Variants in SHISA9 observed in about 807,000 individuals in gnomAD.
The protein encoded by SHISA9 is protein shisa-9.
Under a neutral mutation model 38.0 loss-of-function variants are expected in SHISA9, and 13 were observed. That is an observed-to-expected ratio of 0.34 (90% CI 0.22 to 0.54). The LOEUF (loss-of-function observed/expected upper bound fraction) is 0.54. Among genes scored for constraint, SHISA9 ranks in the 20% least tolerant of loss-of-function variants. The pLI is 0.91. For missense variants in SHISA9, 538 were observed against 575.8 expected, an observed-to-expected ratio of 0.93 and a Z score of 0.67; for synonymous variants, 275 against 242.0, an observed-to-expected ratio of 1.14 and a Z score of -1.27.
At chr16:13,057,826 A>G (rs1054818227) in intron 2 of SHISA9, among the ~76,000 whole-genome samples, 38 of 152,016 alleles carry the variant, frequency 2.5e-4, no homozygotes, top group Middle Eastern at 3.4e-3. Flanking sequence ...CACAGGCCCC[A>G]TTGTGTGATA....
At chr16:13,037,705 C>T (rs1441884010) in intron 2 of SHISA9, among the ~76,000 whole-genome samples, 2 of 152,132 alleles carry the variant, frequency 1.3e-5, no homozygotes, top group East Asian at 3.9e-4. Flanking sequence ...CTAACTGGTC[C>T]TCCCACTTCC....
Position 12,902,763 on chromosome 16 carries a change from G to C in SHISA9, c.563+136G>C, listed in dbSNP as rs2071036877. 3.1e-6 allele frequency: 3 copies of C among 965,270 alleles called. No individual in the cohort carries two copies. The South Asian group carries it at 5.2e-5, about 17-fold the overall frequency. The allele number at this position is 965,270 out of a possible 1,614,324, so 59.8% of individuals were successfully genotyped here. ...AGCCTCTCCGCTGGGGGATGTCACC[G>C]GGAAGCCAACTTCGGCTTGGAACAC... On this transcript the variant is annotated intron_variant, in intron 1 of 4. Coordinates refer to ENST00000558583, the MANE Select transcript of SHISA9 (RefSeq NM_001145204.3).
chr16:13,375,572 T>C, the SHISA9 span, among the ~76,000 whole-genome samples: 2 of 152,156 alleles, frequency 1.3e-5, no homozygotes, highest in Non-Finnish European at 2.9e-5. Flanking sequence ...TTGGTTACTG[T>C]AGCCTTGTAG....
intron 2 of SHISA9, among the ~76,000 whole-genome samples, chr16:13,087,518 C>G (rs147031600): frequency 0.02 from 3,110 of 152,260 alleles, 50 homozygotes; most frequent in Admixed American, 0.047. Flanking sequence ...GATCGCCATT[C>G]TAAATGGTGT....
the SHISA9 span, among the ~76,000 whole-genome samples, chr16:13,539,148 A>T: frequency 6.6e-6 from 1 of 150,860 alleles, no homozygotes; most frequent in Admixed American, 6.6e-5. Context: ...TATTTTTTTG[A>T]GATAACAGTC....
intron 1 of SHISA9, among the ~76,000 whole-genome samples, chr16:12,916,097 A>T: frequency 7.0e-6 from 1 of 143,028 alleles, no homozygotes; most frequent in South Asian, 2.2e-4. Context: ...CCCCCTGCAC[A>T]CTCCAAAAAT....
the SHISA9 span, among the ~76,000 whole-genome samples, chr16:13,421,019 C>A: frequency 0.014 from 2,083 of 152,294 alleles, 46 homozygotes; most frequent in African/African-American, 0.048. Context: ...TCCATTTCCA[C>A]ATCATTTTCA....
chr16:13,290,552 T>C, the SHISA9 span, among the ~76,000 whole-genome samples: 1 of 152,186 alleles, frequency 6.6e-6, no homozygotes, highest in African/African-American at 2.4e-5. Flanking sequence ...TCCAGGATGA[T>C]TAATCTGAGC....
At chr16:12,987,475 T>G (rs2072327174) in intron 2 of SHISA9, among the ~76,000 whole-genome samples, 1 of 152,178 alleles carries the variant, frequency 6.6e-6, no homozygotes, top group African/African-American at 2.4e-5. Context: ...GCCATCCTCC[T>G]CAGCAAACTA....
In SHISA9 at chr16:13,129,278, G is replaced by A. The variant is rs553247655; in HGVS notation, c.692-74116G>A. 2.6e-5 allele frequency among the ~76,000 whole-genome samples: 4 copies of A among 152,290 alleles called. No homozygotes were observed. In the South Asian group the frequency reaches 8.3e-4, roughly 32 times the overall value. On this transcript the variant is annotated intron_variant, in intron 2 of 4. Transcript: ENST00000558583. ...TTCTCAATGCATGTATATAATTGAT[G>A]TTTATTTCTCATTCACAGTACAGTG...
the SHISA9 span, among the ~76,000 whole-genome samples, chr16:13,522,878 T>A: frequency 1.3e-5 from 2 of 152,178 alleles, no homozygotes; most frequent in Non-Finnish European, 2.9e-5. Flanking sequence ...ACAGGGGGAA[T>A]ATGATGCAAT....
At chr16:12,987,217 G>A (rs187439846) in intron 2 of SHISA9, among the ~76,000 whole-genome samples, 72 of 152,286 alleles carry the variant, frequency 4.7e-4, no homozygotes, top group African/African-American at 1.7e-3. Context: ...CAAGTTTGCA[G>A]TTTCAAAAGG....
At chr16:13,522,814 T>A in the SHISA9 span, among the ~76,000 whole-genome samples, 1 of 152,188 alleles carries the variant, frequency 6.6e-6, no homozygotes, top group African/African-American at 2.4e-5. Context: ...GACACCTGCC[T>A]CATCCCCATT....
chr16:13,008,999 G>A (rs183885295), intron 2 of SHISA9, among the ~76,000 whole-genome samples: 1 of 152,126 alleles, frequency 6.6e-6, no homozygotes, highest in Non-Finnish European at 1.5e-5. Context: ...GTCAATCAGG[G>A]GAGAAGGACT....
At chr16:12,912,972 G>A (rs1026938270) in intron 1 of SHISA9, among the ~76,000 whole-genome samples, 3 of 151,760 alleles carry the variant, frequency 2.0e-5, no homozygotes, top group African/African-American at 7.3e-5. Flanking sequence ...CCAACTCCTC[G>A]CTGTTCAAGG....
At chr16:13,105,290 G>T (rs1423436041) in intron 2 of SHISA9, among the ~76,000 whole-genome samples, 1 of 152,180 alleles carries the variant, frequency 6.6e-6, no homozygotes, top group Non-Finnish European at 1.5e-5. Flanking sequence ...TGGTGCATCT[G>T]TGGATGGAAG....
intron 2 of SHISA9, among the ~76,000 whole-genome samples, chr16:13,125,472 G>A (rs897153907): frequency 6.6e-6 from 1 of 152,146 alleles, no homozygotes; most frequent in Admixed American, 6.5e-5. Flanking sequence ...TGGCAAACGA[G>A]GGGTGGTAAC....
chr16:13,530,313 A>AAAAT, the SHISA9 span, among the ~76,000 whole-genome samples: 718 of 152,242 alleles, frequency 4.7e-3, 3 homozygotes, highest in Non-Finnish European at 7.1e-3. Flanking sequence ...AAAATAAATA[A>AAAAT]AAATAAATAA....
chr16:13,231,890 A>G (rs1231915929), intron 4 of SHISA9, among the ~76,000 whole-genome samples: 4 of 152,262 alleles, frequency 2.6e-5, no homozygotes, highest in Admixed American at 6.5e-5. Context: ...TGGCTCAGCC[A>G]TTAGCTCTGG....
Sources: allele counts gnomAD v4.1 joint callset (sites outside exome capture counted in the v4.1 genomes callset), GRCh38; gene constraint gnomAD v4.1.1; transcripts MANE v1.5; gene names NCBI Gene and HGNC (gene_info 2026-07-23, HGNC 2026-07-21).